Variants in CDC42SE2 observed in about 807,000 individuals in gnomAD.
The protein encoded by CDC42SE2 is CDC42 small effector 2.
Under a neutral mutation model 11.5 loss-of-function variants are expected in CDC42SE2, and 3 were observed. The observed-to-expected ratio is 0.26, with a 90% CI of 0.12 to 0.67. The LOEUF is 0.67. Ranked by LOEUF, CDC42SE2 falls within the 30% of genes least tolerant of loss-of-function variation. The probability of loss-of-function intolerance (pLI) is 0.80; values close to 1 mark genes in which losing one functional copy is unlikely to be tolerated. For synonymous variants in CDC42SE2, 33 were observed against 34.8 expected, an observed-to-expected ratio of 0.95 and a Z score of 0.18; for missense variants, 82 against 106.8, an observed-to-expected ratio of 0.77 and a Z score of 1.02.
chr5:131,346,196 A>G (rs1429913080), intron 2 of CDC42SE2, among the ~76,000 whole-genome samples: 4 of 149,308 alleles, frequency 2.7e-5, no homozygotes, highest in East Asian at 3.8e-4. Context: ...CAATTAAAAG[A>G]CACAGACTGG....
chr5:131,318,412 G>A (rs535355928), intron 2 of CDC42SE2, among the ~76,000 whole-genome samples: 8 of 152,230 alleles, frequency 5.3e-5, no homozygotes, highest in African/African-American at 7.2e-5. Context: ...TCCTACCTAA[G>A]ACAGTCATGG....
At chr5:131,279,376 A>T (rs1368021955) in intron 1 of CDC42SE2, among the ~76,000 whole-genome samples, 2 of 151,964 alleles carry the variant, frequency 1.3e-5, no homozygotes, top group African/African-American at 4.8e-5. Flanking sequence ...GCTAAATAAG[A>T]TTATTGAAAG....
At chr5:131,229,159 C>CT in the CDC42SE2 span, among the ~76,000 whole-genome samples, 11,205 of 151,438 alleles carry the variant, frequency 0.074, 865 homozygotes, top group African/African-American at 0.19. Context: ...TTATAATTAC[C>CT]TTATGGGGTG....
chr5:131,282,095 A>G (rs1757247839), intron 1 of CDC42SE2, among the ~76,000 whole-genome samples: 1 of 152,178 alleles, frequency 6.6e-6, no homozygotes, highest in African/African-American at 2.4e-5. Context: ...CTGTCTAAGG[A>G]GGAGAGTAGT....
chr5:131,335,654 G>C (rs1309770830), intron 2 of CDC42SE2, among the ~76,000 whole-genome samples: 1 of 152,204 alleles, frequency 6.6e-6, no homozygotes, highest in Non-Finnish European at 1.5e-5. Flanking sequence ...GGGTGCTCCT[G>C]TATTGGATGC....
At chr5:131,285,497 A>G (rs1757321763) in intron 1 of CDC42SE2, among the ~76,000 whole-genome samples, 1 of 152,238 alleles carries the variant, frequency 6.6e-6, no homozygotes, top group African/African-American at 2.4e-5. Context: ...AAGCATTTCA[A>G]TTTATAATAG....
chr5:131,375,771 C>A lies in CDC42SE2; in HGVS notation c.55-9772C>A, dbSNP rs566298273. Among the ~76,000 whole-genome samples the A allele has an allele frequency of 2.0e-5, 3 of 152,346 alleles. No homozygotes were observed. In the South Asian group the frequency reaches 6.2e-4, roughly 32 times the overall value. On this transcript the variant is annotated intron_variant, in intron 3 of 4. Coordinates refer to ENST00000505065, the MANE Select transcript of CDC42SE2 (RefSeq NM_001375635.1). ...AGAGCAGATATTTTTCCAGTCTCTG[C>A]AGTATCTAAAACCTTGTTTCTCTTT...
At chr5:131,258,967 C>A (rs1756701805) in intron 2 of CDC42SE2, among the ~76,000 whole-genome samples, 1 of 152,186 alleles carries the variant, frequency 6.6e-6, no homozygotes, top group East Asian at 1.9e-4. Flanking sequence ...CAAGGGTCAG[C>A]CACAGGTAAG....
intron 1 of CDC42SE2, among the ~76,000 whole-genome samples, chr5:131,293,596 G>A (rs1757509233): frequency 6.7e-6 from 1 of 149,210 alleles, no homozygotes; most frequent in Admixed American, 6.7e-5. Flanking sequence ...AAAAAAGTGG[G>A]CCCTCACCAG....
At chr5:131,314,894 G>T (rs988636119) in intron 1 of CDC42SE2, among the ~76,000 whole-genome samples, 3 of 152,084 alleles carry the variant, frequency 2.0e-5, no homozygotes, top group Non-Finnish European at 4.4e-5. Context: ...ATTATTTAAG[G>T]TGTTAAATTT....
intron 4 of CDC42SE2, among the ~76,000 whole-genome samples, chr5:131,389,628 A>C (rs1750589949): frequency 6.6e-6 from 1 of 152,220 alleles, no homozygotes; most frequent in South Asian, 2.1e-4. Context: ...GACAAGTCTT[A>C]CTTTAAATAT....
At position 131,312,853 on chromosome 5, in the gene CDC42SE2, T is replaced by C. The variant is rs557634986; in HGVS notation, c.-454-3123T>C. 3.3e-5 allele frequency among the ~76,000 whole-genome samples: 5 copies of C among 152,274 alleles called. No individual in the cohort carries two copies. The East Asian group carries it at 7.7e-4, about 23-fold the overall frequency. ...GCGCCCACGATCTGGCTCTCCCTAG[T>C]GAGATGAACCCAGTACCTCAGATGG... is the stretch of plus-strand genomic sequence containing the variant. On this transcript the variant is annotated intron_variant, in intron 1 of 4. Transcript: ENST00000505065.
intron 2 of CDC42SE2, among the ~76,000 whole-genome samples, chr5:131,336,119 T>G (rs1283224816): frequency 6.6e-6 from 1 of 152,216 alleles, no homozygotes; most frequent in Non-Finnish European, 1.5e-5. Context: ...GTTGTTCCTT[T>G]CCATGTTTAG....
chr5:131,234,336 A>G, the CDC42SE2 span, among the ~76,000 whole-genome samples: 3 of 152,094 alleles, frequency 2.0e-5, no homozygotes, highest in African/African-American at 4.8e-5. Context: ...TAGATAGATA[A>G]ATACATAGAT....
chr5:131,311,702 A>C (rs1757918775), intron 1 of CDC42SE2, among the ~76,000 whole-genome samples: 1 of 152,116 alleles, frequency 6.6e-6, no homozygotes, highest in Admixed American at 6.5e-5. Flanking sequence ...CTCATCTTCC[A>C]TCGCTGATAC....
intron 2 of CDC42SE2, among the ~76,000 whole-genome samples, chr5:131,318,003 G>A (rs571929085): frequency 6.6e-6 from 1 of 151,934 alleles, no homozygotes; most frequent in South Asian, 2.1e-4. Flanking sequence ...CTATGTGTTT[G>A]AGCCCAAGAT....
At chr5:131,358,055 A>G (rs1299083738) in intron 2 of CDC42SE2, among the ~76,000 whole-genome samples, 2 of 152,192 alleles carry the variant, frequency 1.3e-5, no homozygotes, top group African/African-American at 2.4e-5. Flanking sequence ...TTTTCTACCT[A>G]TGATTTAAAT....
chr5:131,212,827 A>G, the CDC42SE2 span, among the ~76,000 whole-genome samples: 1 of 152,204 alleles, frequency 6.6e-6, no homozygotes, highest in African/African-American at 2.4e-5. Flanking sequence ...AGACTTGCTG[A>G]TCAAACAAGG....
intron 2 of CDC42SE2, among the ~76,000 whole-genome samples, chr5:131,349,097 A>G (rs928737748): frequency 6.6e-6 from 1 of 152,200 alleles, no homozygotes; most frequent in Non-Finnish European, 1.5e-5. Flanking sequence ...CTTCATGACT[A>G]AAACACCAAA....
Sources: allele counts gnomAD v4.1 joint callset (sites outside exome capture counted in the v4.1 genomes callset), GRCh38; gene constraint gnomAD v4.1.1; transcripts MANE v1.5; gene names NCBI Gene and HGNC (gene_info 2026-07-23, HGNC 2026-07-21).